The following TNIP3 variants were observed in gnomAD, a reference collection of about 807,000 sequenced individuals.
The protein encoded by TNIP3 is TNFAIP3-interacting protein 3.
Under a neutral mutation model 54.1 loss-of-function variants are expected in TNIP3, and 34 were observed. That is an observed-to-expected ratio of 0.63 (90% confidence interval 0.48 to 0.84). The LOEUF (loss-of-function observed/expected upper bound fraction) is 0.84. Ranked by LOEUF, TNIP3 falls within the 40% of genes least tolerant of loss-of-function variation. The pLI, the probability that TNIP3 is intolerant of heterozygous loss-of-function variation, is 0.00. For missense variants in TNIP3, 366 were observed against 387.6 expected, an observed-to-expected ratio of 0.94 and a Z score of 0.47; for synonymous variants, 134 against 136.8, an observed-to-expected ratio of 0.98 and a Z score of 0.14.
At chr4:121,193,582 G>T (rs1307141171) in intron 2 of TNIP3, among the ~76,000 whole-genome samples, 1 of 152,084 alleles carries the variant, frequency 6.6e-6, no homozygotes, top group African/African-American at 2.4e-5. Context: ...TCAGTAAGAA[G>T]TATCAATAGA....
intron 2 of TNIP3, among the ~76,000 whole-genome samples, chr4:121,210,075 A>G (rs1372428069): frequency 6.6e-6 from 1 of 152,160 alleles, no homozygotes; most frequent in Non-Finnish European, 1.5e-5. Flanking sequence ...TAACCATAAT[A>G]CTGATTTTAA....
chr4:121,216,514 A>C (rs918907159), intron 1 of TNIP3: 1 of 1,535,496 alleles, frequency 6.5e-7, no homozygotes, highest in African/African-American at 1.4e-5. Flanking sequence ...AAATAAAAAA[A>C]TATGAAGGAC....
At chr4:121,172,440 T>C (rs745829948) in intron 3 of TNIP3, among the ~76,000 whole-genome samples, 1 of 152,084 alleles carries the variant, frequency 6.6e-6, no homozygotes, top group Non-Finnish European at 1.5e-5. Context: ...TACAGGCCAA[T>C]GAAAAAACCC....
At chr4:121,146,560 A>C (rs774039050) in intron 7 of TNIP3, among the ~76,000 whole-genome samples, 1 of 152,152 alleles carries the variant, frequency 6.6e-6, no homozygotes, top group Non-Finnish European at 1.5e-5. Flanking sequence ...ACTGGTGACC[A>C]TTATCTGGCT....
At chr4:121,160,189 G>A (rs190273546) in intron 2 of TNIP3, among the ~76,000 whole-genome samples, 114 of 152,192 alleles carry the variant, frequency 7.5e-4, no homozygotes, top group African/African-American at 2.7e-3. Flanking sequence ...ATTAGAAAAG[G>A]AATTACAGGC....
chr4:121,132,607 GTC>G lies in TNIP3; in HGVS notation c.*22_*23del, dbSNP rs1728537753. 3.1e-6 allele frequency: 5 copies of G among 1,611,300 alleles called. No homozygotes were observed. Among genetic ancestry groups the G allele is most frequent in the Non-Finnish European group, 4.2e-6 (5 of 1,177,642 alleles). On this transcript the variant is annotated 3_prime_UTR_variant, in exon 11 of 11. Transcript: ENST00000057513. ...CAGCCACGCTCCCTCGTTGCCTGTTGTCTCTCTCTGTTAGTGTGTACTTCTAC... is the reference window on the plus strand; with the variant it reads ...CAGCCACGCTCCCTCGTTGCCTGTTGTCTCTCTGTTAGTGTGTACTTCTAC...
chr4:121,193,599 G>A (rs1310008681), intron 2 of TNIP3, among the ~76,000 whole-genome samples: 1 of 152,092 alleles, frequency 6.6e-6, no homozygotes, highest in Non-Finnish European at 1.5e-5. Flanking sequence ...TAGATGCTAA[G>A]ACTGGTGGCT....
In TNIP3 at chr4:121,164,150, G is replaced by A. The variant is rs199613420; in HGVS notation, c.-25C>T. The A allele has an allele frequency of 1.9e-5, 30 of 1,613,382 alleles. No individual in the cohort carries two copies. In the African/African-American group the frequency reaches 3.6e-4, roughly 19 times the overall value. ...TGGAAGCTGTTTTTCCTGGAGTCTTGGAAAGCAGAAAGAAAAACAGGGGAA... is the reference window on the plus strand; with the variant it reads ...TGGAAGCTGTTTTTCCTGGAGTCTTAGAAAGCAGAAAGAAAAACAGGGGAA... On this transcript the variant is annotated 5_prime_UTR_variant, in exon 1 of 11. Coordinates refer to ENST00000057513, the MANE Select transcript of TNIP3 (RefSeq NM_024873.6).
At position 121,138,795 on chromosome 4, in the gene TNIP3, A is replaced by G; in HGVS notation, c.886-111T>C. ...TTATTAAGCAGGCAACACAAAAGTAATTTCTATCCAAACCTATTGCCAACC... is the reference window on the plus strand; with the variant it reads ...TTATTAAGCAGGCAACACAAAAGTAGTTTCTATCCAAACCTATTGCCAACC... On this transcript the variant is annotated intron_variant, in intron 9 of 10. Transcript: ENST00000057513. 4 of 975,614 alleles carry G rather than the reference A, an allele frequency of 4.1e-6. No homozygotes were observed. The Admixed American group carries it at 7.2e-5, about 17-fold the overall frequency. 60.4% of individuals were successfully genotyped at this position (975,614 alleles called of 1,614,324 possible). A position where few individuals can be genotyped will look rare whatever the true frequency, so the allele number is the denominator to read the frequency against.
upstream of TNIP3, among the ~76,000 whole-genome samples, chr4:121,219,376 A>C (rs1312237059): frequency 6.6e-6 from 1 of 152,192 alleles, no homozygotes; most frequent in Non-Finnish European, 1.5e-5. Flanking sequence ...TATACTGCTA[A>C]AGAAGCAGCT....
intron 2 of TNIP3, among the ~76,000 whole-genome samples, chr4:121,190,656 G>A (rs1404606954): frequency 6.6e-6 from 1 of 152,152 alleles, no homozygotes; most frequent in Non-Finnish European, 1.5e-5. Context: ...GGGATCTGGA[G>A]GTATACTGGA....
At chr4:121,181,795 C>G (rs1560675510) in intron 3 of TNIP3, among the ~76,000 whole-genome samples, 1 of 152,004 alleles carries the variant, frequency 6.6e-6, no homozygotes, top group African/African-American at 2.4e-5. Flanking sequence ...AAAAAAGAAA[C>G]AAATTTATGG....
chr4:121,161,341 C>T (rs1235125390), intron 1 of TNIP3, 125 bp from the exon 2 acceptor site: 2 of 745,192 alleles, frequency 2.7e-6, no homozygotes, highest in East Asian at 5.4e-5. Flanking sequence ...ATACCTGATT[C>T]TAGCAGTAAT....
intron 2 of TNIP3, chr4:121,192,741 T>C (rs1473488650): frequency 6.6e-6 from 1 of 152,218 alleles, no homozygotes; most frequent in Non-Finnish European, 1.5e-5. Context: ...GTAGTGTACA[T>C]GTGAGTAATA....
intron 2 of TNIP3, among the ~76,000 whole-genome samples, chr4:121,203,928 C>T (rs1390498043): frequency 6.7e-6 from 1 of 148,202 alleles, no homozygotes; most frequent in East Asian, 2.0e-4. Flanking sequence ...TACTAATACA[C>T]AAAATATTTT....
chr4:121,207,266 A>G (rs530620506), intron 2 of TNIP3, among the ~76,000 whole-genome samples: 7 of 152,346 alleles, frequency 4.6e-5, no homozygotes, highest in South Asian at 2.1e-4. Flanking sequence ...GATCAATGAC[A>G]TATTTTAACT....
chr4:121,172,354 G>A (rs1724017996), intron 3 of TNIP3, among the ~76,000 whole-genome samples: 1 of 152,194 alleles, frequency 6.6e-6, no homozygotes, highest in Non-Finnish European at 1.5e-5. Context: ...TGAGGAGGAT[G>A]TAGTGTTTAC....
At chr4:121,168,757 T>C (rs903931747), upstream of TNIP3, among the ~76,000 whole-genome samples, 2 of 149,862 alleles carry the variant, frequency 1.3e-5, no homozygotes, top group East Asian at 3.9e-4. Flanking sequence ...TGGCTTTGAA[T>C]GATCCTCCCA....
At chr4:121,214,062 G>A (rs185398558) in intron 2 of TNIP3, among the ~76,000 whole-genome samples, 35 of 152,270 alleles carry the variant, frequency 2.3e-4, no homozygotes, top group Non-Finnish European at 1.5e-5. Context: ...AGGACCGAAA[G>A]CACTTCAATG....
Sources: gnomAD v4.1 joint callset for allele counts (sites outside exome capture counted in the v4.1 genomes callset) on GRCh38, gnomAD v4.1.1 for gene constraint, MANE v1.5 for transcripts, NCBI Gene and HGNC (gene_info 2026-07-23, HGNC 2026-07-21) for gene names.